The following CSMD1 variants were observed in gnomAD, a reference collection of about 807,000 sequenced individuals.
CSMD1 encodes the protein CUB and sushi domain-containing protein 1.
Under a neutral mutation model 417.5 loss-of-function variants are expected in CSMD1, and 213 were observed. The ratio of observed to expected loss-of-function variants is 0.51; its 90% CI spans 0.46 to 0.57. The LOEUF (loss-of-function observed/expected upper bound fraction) is 0.57. Among genes scored for constraint, CSMD1 ranks in the 20% least tolerant of loss-of-function variants. The probability of loss-of-function intolerance (pLI) is 0.00; values close to 1 mark genes in which losing one functional copy is unlikely to be tolerated. For missense variants in CSMD1, 6,923 were observed against 4,529.7 expected (o/e 1.53, Z -15.17); for synonymous variants, 2,862 against 1,736.8 (o/e 1.65, Z -16.11).
chr8:4,657,550 A>G (rs1023635530), intron 1 of CSMD1, among the ~76,000 whole-genome samples: 2 of 152,196 alleles, frequency 1.3e-5, no homozygotes, highest in African/African-American at 4.8e-5. Flanking sequence ...ACCTTATAAA[A>G]ATTGTTTTTA....
At chr8:4,242,333 T>G (rs1460205915) in intron 3 of CSMD1, among the ~76,000 whole-genome samples, 1 of 152,106 alleles carries the variant, frequency 6.6e-6, no homozygotes, top group Non-Finnish European at 1.5e-5. Flanking sequence ...TTAGTAAACA[T>G]GAAAATTTGC....
At chr8:4,172,707 G>T (rs1450517713) in intron 3 of CSMD1, among the ~76,000 whole-genome samples, 1 of 152,134 alleles carries the variant, frequency 6.6e-6, no homozygotes, top group Non-Finnish European at 1.5e-5. Context: ...TATTGCAAAA[G>T]TGACAGGATA....
chr8:3,825,516 C>G (rs1802005768), intron 5 of CSMD1, among the ~76,000 whole-genome samples: 1 of 152,092 alleles, frequency 6.6e-6, no homozygotes. Context: ...GAGAAGAAAA[C>G]TCTGCAATGG....
chr8:3,076,412 GTCCCATTCTAA>G (rs1360099327), intron 49 of CSMD1, among the ~76,000 whole-genome samples: 29 of 73,992 alleles, frequency 3.9e-4, no homozygotes, highest in African/African-American at 2.2e-3. Context: ...TCCAAATACA[GTCCCATTCTAA>G]GGTACTGGCA....
At position 3,332,560 on chromosome 8, in the gene CSMD1, A is replaced by C. The variant is rs528857658; in HGVS notation, c.3631+10734T>G. Among the ~76,000 whole-genome samples, 315 of 152,370 alleles carry C rather than the reference A, an allele frequency of 2.1e-3. 1 individual carries two copies. Among genetic ancestry groups the C allele is most frequent in the African/African-American group, 7.3e-3 (302 of 41,598 alleles). On this transcript the variant is annotated intron_variant, in intron 23 of 69. Transcript: ENST00000635120. ...CTGTTTTATTTGCAGACAACAGATTAACTACTGTAAGCTGAAATATTTCCT... is the reference window on the plus strand; with the variant it reads ...CTGTTTTATTTGCAGACAACAGATTCACTACTGTAAGCTGAAATATTTCCT...
intron 1 of CSMD1, among the ~76,000 whole-genome samples, chr8:4,842,495 G>T (rs369680542): frequency 1.4e-4 from 22 of 152,150 alleles, no homozygotes; most frequent in East Asian, 5.8e-4. Flanking sequence ...GATAGTTTCA[G>T]GAAATGACTT....
At chr8:3,499,903 C>G (rs567892537) in intron 10 of CSMD1, among the ~76,000 whole-genome samples, 48 of 152,226 alleles carry the variant, frequency 3.2e-4, no homozygotes, top group African/African-American at 1.1e-3. Flanking sequence ...GCCCAGAGAA[C>G]AAGAGAGGAA....
rs766433256 is a variant in CSMD1 at position 3,468,833 on chromosome 8, AAG to A, written c.1449-11_1449-10del. The A allele has an allele frequency of 2.0e-5, 32 of 1,566,842 alleles. 1 individual carries two copies. The highest frequency in any genetic ancestry group is 2.7e-5 in the Non-Finnish European group (31 of 1,152,778). Reference sequence around the variant, plus strand: ...CACTGGATCCCGTGAGCCTGCAAGAAAGAGAAATGTCAAAGCTTTTAGGTAAG... The same window carrying A: ...CACTGGATCCCGTGAGCCTGCAAGAAAGAAATGTCAAAGCTTTTAGGTAAG... On this transcript the variant is annotated splice_polypyrimidine_tract_variant and intron_variant, in intron 11 of 69. Coordinates refer to ENST00000635120, the MANE Select transcript of CSMD1 (RefSeq NM_033225.6).
intron 3 of CSMD1, among the ~76,000 whole-genome samples, chr8:4,394,684 T>A (rs1003195941): frequency 7.2e-5 from 11 of 152,168 alleles, no homozygotes; most frequent in Non-Finnish European, 1.6e-4. Context: ...CCCTTGGGCG[T>A]CTTGCTGGCC....
chr8:3,728,568 C>T (rs951859333), intron 6 of CSMD1, among the ~76,000 whole-genome samples: 1 of 152,196 alleles, frequency 6.6e-6, no homozygotes, highest in East Asian at 1.9e-4. Flanking sequence ...AAGAGCCTTT[C>T]AGTGGTGTGA....
intron 5 of CSMD1, among the ~76,000 whole-genome samples, chr8:3,960,963 A>G (rs1812284786): frequency 6.6e-6 from 1 of 152,090 alleles, no homozygotes; most frequent in East Asian, 1.9e-4. Flanking sequence ...TTAATATTGT[A>G]TGATTTAAAT....
At chr8:4,912,285 A>AAAATGACGTGG (rs1805742271) in intron 1 of CSMD1, among the ~76,000 whole-genome samples, 2 of 152,186 alleles carry the variant, frequency 1.3e-5, no homozygotes. Context: ...AGATTGTACT[A>AAAATGACGTGG]AAATGACGTG....
At chr8:4,370,410 A>C (rs1184880236) in intron 3 of CSMD1, among the ~76,000 whole-genome samples, 1 of 151,908 alleles carries the variant, frequency 6.6e-6, no homozygotes, top group Non-Finnish European at 1.5e-5. Flanking sequence ...ATCTGATGAT[A>C]TTGTCTTGGA....
chr8:3,592,067 A>T lies in CSMD1; in HGVS notation c.1098-5807T>A, dbSNP rs530892396. Among the ~76,000 whole-genome samples the T allele has an allele frequency of 3.3e-5, 5 of 152,244 alleles. No individual in the cohort carries two copies. The South Asian group carries it at 1.0e-3, about 32-fold the overall frequency. On this transcript the variant is annotated intron_variant, in intron 8 of 69. Transcript: ENST00000635120. The stretch of plus-strand genomic sequence containing the variant: ...GAATAGATGGATAGATGATAGATAG[A>T]TGGAGGAATTGACGGATTAGAGAGA...
chr8:4,268,764 C>G lies in CSMD1; in HGVS notation c.415+151189G>C, dbSNP rs1366197567. ...CTATTAAATTGCTAAAAAAAAAACC[C>G]ACAAATATCTGAATAACATCGACAT... On this transcript the variant is annotated intron_variant, in intron 3 of 69. Transcript: ENST00000635120. 2.0e-5 allele frequency among the ~76,000 whole-genome samples: 3 copies of G among 151,524 alleles called. No homozygotes were observed. The South Asian group carries it at 6.2e-4, about 31-fold the overall frequency.
At chr8:4,805,769 C>G (rs1280694543) in intron 1 of CSMD1, among the ~76,000 whole-genome samples, 3 of 152,060 alleles carry the variant, frequency 2.0e-5, no homozygotes, top group Non-Finnish European at 4.4e-5. Flanking sequence ...TTAATGAATA[C>G]AGGATGATTC....
intron 50 of CSMD1, among the ~76,000 whole-genome samples, chr8:3,040,307 A>G (rs1410096095): frequency 6.6e-6 from 1 of 151,272 alleles, no homozygotes; most frequent in Non-Finnish European, 1.5e-5. Context: ...TAGCTTGGAG[A>G]AGCTTTAGTT....
chr8:4,968,631 T>C (rs529134626), intron 1 of CSMD1, among the ~76,000 whole-genome samples: 5 of 152,284 alleles, frequency 3.3e-5, no homozygotes, highest in African/African-American at 9.6e-5. Flanking sequence ...TCAGTGCTGA[T>C]TTCAAATATT....
intron 3 of CSMD1, among the ~76,000 whole-genome samples, chr8:4,398,586 G>A (rs547990682): frequency 4.6e-5 from 7 of 151,742 alleles, no homozygotes; most frequent in Middle Eastern, 3.4e-3. Flanking sequence ...TAGTAGAGAC[G>A]GGGTTTCACC....
Sources: gnomAD v4.1 joint callset for allele counts (sites outside exome capture counted in the v4.1 genomes callset) on GRCh38, gnomAD v4.1.1 for gene constraint, MANE v1.5 for transcripts, NCBI Gene and HGNC (gene_info 2026-07-23, HGNC 2026-07-21) for gene names.